FTO: variants seen among roughly 807,000 people sequenced by gnomAD.
FTO encodes the protein FTO alpha-ketoglutarate dependent dioxygenase.
Under a neutral mutation model 63.9 loss-of-function variants are expected in FTO, and 47 were observed. That is an observed-to-expected ratio of 0.74 (90% CI 0.58 to 0.94). The LOEUF (loss-of-function observed/expected upper bound fraction) is 0.94. FTO is among the 40% of genes least tolerant of loss of function. The pLI is 0.00. For synonymous variants in FTO, 207 were observed against 224.4 expected (o/e 0.92, Z 0.69); for missense variants, 562 against 618.1 (o/e 0.91, Z 0.96).
At chr16:53,980,464 C>G (rs1278197766) in intron 8 of FTO, among the ~76,000 whole-genome samples, 1 of 152,194 alleles carries the variant, frequency 6.6e-6, no homozygotes, top group Non-Finnish European at 1.5e-5. Flanking sequence ...GGCTGAAATC[C>G]AATGCATACG....
intron 8 of FTO, among the ~76,000 whole-genome samples, chr16:53,998,929 G>A (rs1165875261): frequency 6.6e-6 from 1 of 152,174 alleles, no homozygotes; most frequent in East Asian, 1.9e-4. Flanking sequence ...ATTATCAAAG[G>A]AAAACCAAGA....
chr16:54,101,099 A>G (rs1445262876), intron 8 of FTO, among the ~76,000 whole-genome samples: 1 of 151,454 alleles, frequency 6.6e-6, no homozygotes, highest in Non-Finnish European at 1.5e-5. Flanking sequence ...ACCATAGGCC[A>G]GAGGAACTGG....
intron 1 of FTO, among the ~76,000 whole-genome samples, chr16:53,777,171 C>G (rs985479538): frequency 2.0e-5 from 3 of 152,126 alleles, no homozygotes; most frequent in Non-Finnish European, 2.9e-5. Context: ...GGTCTCCTGT[C>G]AAACTGAATT....
intron 7 of FTO, among the ~76,000 whole-genome samples, chr16:53,920,236 A>G (rs568353418): frequency 1.3e-5 from 2 of 152,284 alleles, no homozygotes; most frequent in South Asian, 2.1e-4. Context: ...AGTAGCTGCT[A>G]TAAATATCCT....
At chr16:53,912,787 A>T (rs2081745909) in intron 7 of FTO, among the ~76,000 whole-genome samples, 1 of 152,188 alleles carries the variant, frequency 6.6e-6, no homozygotes, top group Admixed American at 6.5e-5. Context: ...TAGTGCTGGG[A>T]TTAATTAAGT....
At chr16:53,749,799 T>C (rs2076739806) in intron 1 of FTO, among the ~76,000 whole-genome samples, 1 of 152,228 alleles carries the variant, frequency 6.6e-6, no homozygotes, top group South Asian at 2.1e-4. Flanking sequence ...ATGGCCTTTA[T>C]TGTGTTGAGG....
At position 54,000,664 on chromosome 16, in the gene FTO, A is replaced by G. The variant is rs578202395; in HGVS notation, c.1364+66555A>G. ...GAGACTATGTAAATTAAAGAAATAG[A>G]GCCAGTGACAACCAACCCTGTGGTT... On this transcript the variant is annotated intron_variant, in intron 8 of 8. Coordinates refer to ENST00000471389, the MANE Select transcript of FTO (RefSeq NM_001080432.3). Among the ~76,000 whole-genome samples, 6 of 152,332 alleles carry G rather than the reference A, an allele frequency of 3.9e-5. No individual in the cohort carries two copies. The South Asian group carries it at 1.2e-3, about 32-fold the overall frequency.
intron 1 of FTO, among the ~76,000 whole-genome samples, chr16:53,781,416 G>T (rs949709909): frequency 3.9e-5 from 6 of 152,176 alleles, no homozygotes; most frequent in African/African-American, 1.4e-4. Flanking sequence ...GAACATGAAA[G>T]GTCAGAGCCA....
chr16:53,962,809 T>TC (rs773884682), intron 8 of FTO, among the ~76,000 whole-genome samples: 6 of 152,232 alleles, frequency 3.9e-5, no homozygotes, highest in South Asian at 4.1e-4. Flanking sequence ...ACAACTCAAA[T>TC]CTGCTAAAAT....
intron 5 of FTO, among the ~76,000 whole-genome samples, chr16:53,878,302 CA>C (rs958197969): frequency 1.8e-4 from 26 of 141,796 alleles, no homozygotes; most frequent in Admixed American, 4.2e-4. Flanking sequence ...GACCCCGTCT[CA>C]AAAAAAAAAA....
chr16:53,909,810 C>T (rs528863680), intron 7 of FTO, among the ~76,000 whole-genome samples: 27 of 152,040 alleles, frequency 1.8e-4, no homozygotes, highest in South Asian at 1.0e-3. Flanking sequence ...GTGATCCGCC[C>T]GCATTGGCTT....
intron 8 of FTO, among the ~76,000 whole-genome samples, chr16:54,030,731 A>G (rs2084809166): frequency 6.6e-6 from 1 of 152,326 alleles, no homozygotes; most frequent in Non-Finnish European, 1.5e-5. Flanking sequence ...AGAGTATACT[A>G]TCTGTTAGGG....
chr16:53,987,630 C>T (rs1417180883), intron 8 of FTO, among the ~76,000 whole-genome samples: 1 of 151,702 alleles, frequency 6.6e-6, no homozygotes, highest in African/African-American at 2.4e-5. Context: ...TATGGCTTCC[C>T]CCCATTCTAT....
At chr16:53,859,424 T>C (rs2080104652) in intron 4 of FTO, among the ~76,000 whole-genome samples, 1 of 151,712 alleles carries the variant, frequency 6.6e-6, no homozygotes, top group Non-Finnish European at 1.5e-5. Flanking sequence ...TGTGCAAGGT[T>C]CTACATGCTG....
intron 1 of FTO, among the ~76,000 whole-genome samples, chr16:53,742,330 T>G (rs548436799): frequency 6.6e-6 from 1 of 152,310 alleles, no homozygotes; most frequent in East Asian, 1.9e-4. Flanking sequence ...CTATGCCATA[T>G]GGCCACCCCT....
intron 1 of FTO, among the ~76,000 whole-genome samples, chr16:53,738,423 A>G (rs2076442691): frequency 6.6e-6 from 1 of 152,108 alleles, no homozygotes; most frequent in African/African-American, 2.4e-5. Context: ...ATTACAGGCA[A>G]TACTTTATTT....
At chr16:54,104,532 C>T (rs1348549876) in intron 8 of FTO, among the ~76,000 whole-genome samples, 1 of 152,020 alleles carries the variant, frequency 6.6e-6, no homozygotes, top group South Asian at 2.1e-4. Context: ...AGGCTGGTCT[C>T]GAACTCCTGA....
intron 5 of FTO, among the ~76,000 whole-genome samples, chr16:53,879,555 G>A (rs1407715689): frequency 1.3e-5 from 2 of 151,990 alleles, no homozygotes; most frequent in African/African-American, 4.8e-5. Context: ...GCAGAGTAGT[G>A]CCTGCCTGTG....
chr16:53,889,004 TC>T, intron 7 of FTO, 53 bp downstream of exon 7: 4 of 1,587,738 alleles, frequency 2.5e-6, no homozygotes, highest in Non-Finnish European at 3.5e-6. Flanking sequence ...GTTATACAAA[TC>T]CTCCACTGCC....
Sources: allele counts gnomAD v4.1 joint callset (sites outside exome capture counted in the v4.1 genomes callset), GRCh38; gene constraint gnomAD v4.1.1; transcripts MANE v1.5; gene names NCBI Gene and HGNC (gene_info 2026-07-23, HGNC 2026-07-21).